Variants in TULP4 observed in about 807,000 individuals in gnomAD.
TULP4 encodes the protein tubby-related protein 4.
A neutral mutation model predicts 129.0 loss-of-function variants in TULP4; 16 were observed. That is an observed-to-expected ratio of 0.12 (90% CI 0.08 to 0.19). TULP4 has a LOEUF of 0.19. TULP4 is among the 10% of genes least tolerant of loss of function. The pLI, the probability that TULP4 is intolerant of heterozygous loss-of-function variation, is 1.00. For synonymous variants in TULP4, 998 were observed against 854.0 expected, an observed-to-expected ratio of 1.17 and a Z score of -2.94; for missense variants, 1,842 against 2,059.1, an observed-to-expected ratio of 0.89 and a Z score of 2.04.
intron 1 of TULP4, among the ~76,000 whole-genome samples, chr6:158,243,470 T>A (rs958149032): frequency 2.0e-5 from 3 of 150,898 alleles, no homozygotes; most frequent in Non-Finnish European, 3.0e-5. Context: ...TATATATGAT[T>A]GTTTGAATTA....
Position 158,424,928 on chromosome 6 carries a change from C to T in TULP4, c.382-4808C>T, listed in dbSNP as rs925666112. Among the ~76,000 whole-genome samples, 5 of 151,508 alleles carry T rather than the reference C, an allele frequency of 3.3e-5. No individual in the cohort carries two copies. The East Asian group carries it at 5.9e-4, about 18-fold the overall frequency. On this transcript the variant is annotated intron_variant, in intron 2 of 13. Transcript: ENST00000367097. ...CAGCACTTTGGGAGGCCGAGGTGGG[C>T]GGATCACAAGGTCAGGAGATCGAGA...
At chr6:158,407,989 ATAAAGCTGT>A (rs1778004849) in intron 1 of TULP4, among the ~76,000 whole-genome samples, 1 of 152,244 alleles carries the variant, frequency 6.6e-6, no homozygotes, top group Non-Finnish European at 1.5e-5. Context: ...TTTTGTCCCA[ATAAAGCTGT>A]TATCCAACCC....
At position 158,413,281 on chromosome 6, in the gene TULP4, C is replaced by T; in HGVS notation, c.381+88C>T. 2 of 1,429,852 alleles carry T rather than the reference C, an allele frequency of 1.4e-6. No individual in the cohort carries two copies. Among genetic ancestry groups the T allele is most frequent in the African/African-American group, 1.4e-5 (1 of 70,442 alleles). The allele number at this position is 1,429,852 out of a possible 1,614,324, so 88.6% of individuals were successfully genotyped here. A position where few individuals can be genotyped will look rare whatever the true frequency, so the allele number is the denominator to read the frequency against. ...TTCCGGAGCCAGTGCGTTAGCACCACACAGCGCCACGTGCTCCAGAGCTGG... is the reference window on the plus strand; with the variant it reads ...TTCCGGAGCCAGTGCGTTAGCACCATACAGCGCCACGTGCTCCAGAGCTGG... On this transcript the variant is annotated intron_variant, in intron 2 of 13. Transcript: ENST00000367097. This position sits in a 1 kb window ranked among gnomAD's most constrained non-coding sequence, Gnocchi z 4.9.
chr6:158,281,906 T>C (rs938058335), upstream of TULP4, among the ~76,000 whole-genome samples: 2 of 152,180 alleles, frequency 1.3e-5, no homozygotes, highest in African/African-American at 4.8e-5. Flanking sequence ...GGGAAAAACA[T>C]TTTTCCTGGC....
Position 158,475,522 on chromosome 6 carries a change from T to G in TULP4, c.1027-4229T>G, listed in dbSNP as rs189930861. Among the ~76,000 whole-genome samples the G allele has an allele frequency of 4.9e-4, 75 of 152,324 alleles. 2 individuals carry two copies. The East Asian group carries it at 8.3e-3, about 17-fold the overall frequency. On this transcript the variant is annotated intron_variant, in intron 6 of 13. Transcript: ENST00000367097. ...TAAGACCGCAAACTTACAATTGAGTTTTTCCCTAGCAGACAGCAGCTGTTC... is the reference window on the plus strand; with the variant it reads ...TAAGACCGCAAACTTACAATTGAGTGTTTCCCTAGCAGACAGCAGCTGTTC...
chr6:158,489,180 C>T (rs1780137711), intron 8 of TULP4, among the ~76,000 whole-genome samples: 1 of 152,186 alleles, frequency 6.6e-6, no homozygotes, highest in African/African-American at 2.4e-5. Flanking sequence ...CCGCAAGGGC[C>T]TTCTCAGGTC....
intron 1 of TULP4, chr6:158,241,747 A>G (rs563186673): frequency 5.7e-5 from 24 of 422,050 alleles, no homozygotes; most frequent in African/African-American, 4.9e-4. Context: ...GGCACGCACC[A>G]TCACGCCCAG....
At chr6:158,371,682 A>C (rs1046586626) in intron 1 of TULP4, among the ~76,000 whole-genome samples, 1 of 152,230 alleles carries the variant, frequency 6.6e-6, no homozygotes, top group African/African-American at 2.4e-5. Flanking sequence ...CAAATACTTT[A>C]AGATAAAATA....
intron 1 of TULP4, among the ~76,000 whole-genome samples, chr6:158,379,023 C>T (rs112612233): frequency 1.3e-5 from 2 of 152,132 alleles, no homozygotes; most frequent in Non-Finnish European, 2.9e-5. Context: ...GGGAAGCAGC[C>T]TGTCCTTAGG....
upstream of TULP4, among the ~76,000 whole-genome samples, chr6:158,281,127 A>G (rs146279305): frequency 2.4e-4 from 36 of 152,260 alleles, no homozygotes; most frequent in East Asian, 6.4e-3. Context: ...CAGAAGGAGA[A>G]AGAACATCTC....
Position 158,327,743 on chromosome 6 carries a change from TA to T in TULP4, c.252+13476del, listed in dbSNP as rs1165490587. On this transcript the variant is annotated intron_variant, in intron 1 of 13. Transcript: ENST00000367097. ...TTAAAGAGGTGTGTGTGAGTGTGTA[TA>T]GGGGTGGTTCTGTGTGAATCTCCCC... 1.4e-4 allele frequency among the ~76,000 whole-genome samples: 21 copies of T among 152,092 alleles called. No individual in the cohort carries two copies. The East Asian group carries it at 4.0e-3, about 29-fold the overall frequency.
At chr6:158,355,053 C>G (rs1038850663) in intron 1 of TULP4, among the ~76,000 whole-genome samples, 2 of 151,854 alleles carry the variant, frequency 1.3e-5, no homozygotes, top group African/African-American at 2.4e-5. Context: ...GAATTATAAG[C>G]AGAAGTTTTT....
intron 1 of TULP4, among the ~76,000 whole-genome samples, chr6:158,384,288 G>A (rs1202531855): frequency 1.2e-5 from 1 of 85,410 alleles, no homozygotes; most frequent in Admixed American, 1.1e-4. Flanking sequence ...TGCCTGTTTA[G>A]CTTTTTTTTT....
At chr6:158,295,979 A>G (rs1029440826) in intron 1 of TULP4, among the ~76,000 whole-genome samples, 1 of 152,176 alleles carries the variant, frequency 6.6e-6, no homozygotes, top group African/African-American at 2.4e-5. Context: ...CAAATAAGCA[A>G]CATGCTGCTT....
intron 1 of TULP4, among the ~76,000 whole-genome samples, chr6:158,374,470 T>G (rs1777141408): frequency 6.6e-6 from 1 of 152,228 alleles, no homozygotes; most frequent in Non-Finnish European, 1.5e-5. Context: ...TTGTATTCTC[T>G]CATGGGCGCT....
intron 11 of TULP4, among the ~76,000 whole-genome samples, 172 bp from the exon 12 acceptor site, chr6:158,498,497 T>C (rs1199049213): frequency 3.3e-5 from 5 of 152,228 alleles, no homozygotes; most frequent in African/African-American, 9.7e-5. Context: ...ATGGTCGCAT[T>C]GAGTACTAGG....
At chr6:158,386,698 A>T (rs1157524456) in intron 1 of TULP4, among the ~76,000 whole-genome samples, 2 of 152,228 alleles carry the variant, frequency 1.3e-5, no homozygotes, top group Non-Finnish European at 2.9e-5. Context: ...ACAGAGGCAT[A>T]AAACAGACTG....
intron 8 of TULP4, 62 bp from the exon 9 acceptor site, chr6:158,489,526 A>T: frequency 6.3e-7 from 1 of 1,599,848 alleles, no homozygotes; most frequent in Non-Finnish European, 8.5e-7. Flanking sequence ...TATAGTAATG[A>T]TCATTGGTAG....
intron 1 of TULP4, among the ~76,000 whole-genome samples, chr6:158,276,164 T>A (rs1778642061): frequency 6.6e-6 from 1 of 151,916 alleles, no homozygotes; most frequent in South Asian, 2.1e-4. Flanking sequence ...GAGACGGGGT[T>A]TTACCATGTT....
Sources: allele counts gnomAD v4.1 joint callset (sites outside exome capture counted in the v4.1 genomes callset), GRCh38; gene constraint gnomAD v4.1.1; non-coding constraint Gnocchi (gnomAD v3.1); transcripts MANE v1.5; gene names NCBI Gene and HGNC (gene_info 2026-07-23, HGNC 2026-07-21).